Variants in COBL observed in about 807,000 individuals in gnomAD.
The protein encoded by COBL is protein cordon-bleu.
In COBL, 51 loss-of-function variants were observed where a neutral mutation model predicts 98.8. That is an observed-to-expected ratio of 0.52 (90% CI 0.41 to 0.65). The LOEUF (loss-of-function observed/expected upper bound fraction) is 0.65, where lower values mean the gene tolerates loss of function less well. COBL is among the 30% of genes least tolerant of loss of function. The probability of loss-of-function intolerance (pLI) is 0.00; values close to 1 mark genes in which losing one functional copy is unlikely to be tolerated. For synonymous variants in COBL, 634 were observed against 651.7 expected, an observed-to-expected ratio of 0.97 and a Z score of 0.41; for missense variants, 1,617 against 1,617.5, an observed-to-expected ratio of 1.00 and a Z score of 0.01.
intron 1 of COBL, among the ~76,000 whole-genome samples, chr7:51,257,258 A>G (rs1210240441): frequency 1.3e-5 from 2 of 152,186 alleles, no homozygotes; most frequent in Non-Finnish European, 2.9e-5. Context: ...CAAAAATACA[A>G]AGATGGTTTT....
At chr7:51,247,551 G>A (rs1796360654) in intron 1 of COBL, among the ~76,000 whole-genome samples, 1 of 152,192 alleles carries the variant, frequency 6.6e-6, no homozygotes. Context: ...GGTGGACACT[G>A]GACAGGTAGG....
intron 7 of COBL, among the ~76,000 whole-genome samples, chr7:51,075,307 G>T (rs1041932041): frequency 3.3e-5 from 5 of 152,166 alleles, no homozygotes; most frequent in Admixed American, 2.6e-4. Context: ...TAATTCCTAT[G>T]CTATAAATAG....
rs114708877 is a variant in COBL at position 51,098,962 on chromosome 7, T to C, written c.958-13658A>G. Among the ~76,000 whole-genome samples, 1,087 of 152,122 alleles carry C rather than the reference T, an allele frequency of 7.1e-3. 13 individuals are homozygous for C. The highest frequency in any genetic ancestry group is 0.025 in the African/African-American group (1,055 of 41,540). On this transcript the variant is annotated intron_variant, in intron 6 of 12. Coordinates refer to ENST00000265136, the MANE Select transcript of COBL (RefSeq NM_015198.5). The stretch of plus-strand genomic sequence containing the variant: ...AAGAGGCAAAGAATTTGAAGAGACG[T>C]TTCTCCAAGGAAGATATACAAATGG...
chr7:51,090,816 T>C (rs1794741281), intron 6 of COBL, among the ~76,000 whole-genome samples: 1 of 152,222 alleles, frequency 6.6e-6, no homozygotes, highest in South Asian at 2.1e-4. Context: ...AAAACTGAAA[T>C]ACTATGGATG....
At chr7:51,149,291 G>A (rs1310983423) in intron 5 of COBL, among the ~76,000 whole-genome samples, 1 of 152,124 alleles carries the variant, frequency 6.6e-6, no homozygotes, top group Admixed American at 6.5e-5. Context: ...AGGAACTGGC[G>A]TCTGTGGTGC....
At chr7:51,089,884 T>A (rs1794652399) in intron 6 of COBL, among the ~76,000 whole-genome samples, 1 of 152,168 alleles carries the variant, frequency 6.6e-6, no homozygotes, top group African/African-American at 2.4e-5. Flanking sequence ...TAGCAGAATT[T>A]CAACTATTTT....
chr7:51,235,575 A>T (rs529787887), intron 1 of COBL, among the ~76,000 whole-genome samples: 1 of 152,196 alleles, frequency 6.6e-6, no homozygotes, highest in African/African-American at 2.4e-5. Flanking sequence ...ATATCACCTC[A>T]GCCTAAAGCC....
At chr7:51,057,092 A>G (rs1790832559) in intron 7 of COBL, among the ~76,000 whole-genome samples, 1 of 152,156 alleles carries the variant, frequency 6.6e-6, no homozygotes, top group Non-Finnish European at 1.5e-5. Context: ...TGAGTCACTT[A>G]GCAGTGGTCT....
chr7:51,101,966 A>G (rs1356027250), intron 6 of COBL, among the ~76,000 whole-genome samples: 2 of 152,192 alleles, frequency 1.3e-5, no homozygotes, highest in Non-Finnish European at 2.9e-5. Context: ...TGAAGCCTTC[A>G]TGAATGGCAT....
chr7:51,212,253 T>G (rs1394616539), intron 2 of COBL, among the ~76,000 whole-genome samples: 1 of 152,206 alleles, frequency 6.6e-6, no homozygotes, highest in East Asian at 1.9e-4. Context: ...GTGACTTCAA[T>G]TAGAAAAAAA....
chr7:51,022,037 C>A (rs1786991799), intron 12 of COBL, among the ~76,000 whole-genome samples: 1 of 152,094 alleles, frequency 6.6e-6, no homozygotes, highest in African/African-American at 2.4e-5. Context: ...CCTCCTAGGG[C>A]AGGCTTTCTT....
At chr7:51,288,564 C>T (rs1800590507) in intron 1 of COBL, among the ~76,000 whole-genome samples, 1 of 151,932 alleles carries the variant, frequency 6.6e-6, no homozygotes, top group African/African-American at 2.4e-5. Flanking sequence ...ACCAGCCTGG[C>T]CAACATGGTG....
At chr7:51,027,616 GTC>G (rs1787701424) in intron 10 of COBL, 94 bp downstream of exon 10, 82 of 1,051,466 alleles carry the variant, frequency 7.8e-5, no homozygotes, top group Non-Finnish European at 1.0e-4. Context: ...TCCTAATCCC[GTC>G]TCTCTCTCTC....
chr7:51,189,273 T>C (rs566796981), intron 4 of COBL, among the ~76,000 whole-genome samples: 2 of 152,210 alleles, frequency 1.3e-5, no homozygotes, highest in Admixed American at 1.3e-4. Context: ...AGGGCGGACT[T>C]GGCGGGGAGA....
At chr7:51,150,828 C>T (rs756564299) in intron 5 of COBL, among the ~76,000 whole-genome samples, 1 of 152,112 alleles carries the variant, frequency 6.6e-6, no homozygotes, top group Non-Finnish European at 1.5e-5. Flanking sequence ...GGGGAGAGTG[C>T]TCTATTTTTC....
At chr7:51,036,252 G>A (rs1173963350) in intron 8 of COBL, among the ~76,000 whole-genome samples, 2 of 143,760 alleles carry the variant, frequency 1.4e-5, no homozygotes, top group African/African-American at 2.6e-5. Context: ...CAGGAAAATC[G>A]CCTGAACCCA....
At chr7:51,260,994 C>T (rs1797664690) in intron 1 of COBL, among the ~76,000 whole-genome samples, 1 of 152,172 alleles carries the variant, frequency 6.6e-6, no homozygotes, top group Non-Finnish European at 1.5e-5. Context: ...ACCCCTTCTC[C>T]ATTGCCCATC....
intron 2 of COBL, among the ~76,000 whole-genome samples, chr7:51,200,703 C>A (rs1001522895): frequency 1.3e-5 from 2 of 151,930 alleles, no homozygotes; most frequent in East Asian, 1.9e-4. Context: ...AAGAAAGATA[C>A]CAAGAGGAGT....
chr7:51,263,465 G>A (rs1235388577), intron 1 of COBL, among the ~76,000 whole-genome samples: 1 of 152,192 alleles, frequency 6.6e-6, no homozygotes, highest in Non-Finnish European at 1.5e-5. Flanking sequence ...AATCAGAAGA[G>A]CATTTCAGAA....
Sources: allele counts gnomAD v4.1 joint callset (sites outside exome capture counted in the v4.1 genomes callset), GRCh38; gene constraint gnomAD v4.1.1; transcripts MANE v1.5; gene names NCBI Gene and HGNC (gene_info 2026-07-23, HGNC 2026-07-21).